TET3: variants seen among roughly 807,000 people sequenced by gnomAD.
TET3 encodes the protein tet methylcytosine dioxygenase 3.
A neutral mutation model predicts 141.4 loss-of-function variants in TET3; 19 were observed. The ratio of observed to expected loss-of-function variants is 0.13; its 90% CI spans 0.09 to 0.20. The LOEUF (loss-of-function observed/expected upper bound fraction) is 0.20, where lower values mean the gene tolerates loss of function less well. Among genes scored for constraint, TET3 ranks in the 10% least tolerant of loss-of-function variants. TET3 has a pLI of 1.00. For synonymous variants in TET3, 1,043 were observed against 980.9 expected, an observed-to-expected ratio of 1.06 and a Z score of -1.18; for missense variants, 1,874 against 2,356.9, an observed-to-expected ratio of 0.80 and a Z score of 4.24.
At chr2:74,063,901 A>AAAG (rs1280632975) in intron 4 of TET3, among the ~76,000 whole-genome samples, 1 of 151,994 alleles carries the variant, frequency 6.6e-6, no homozygotes, top group Non-Finnish European at 1.5e-5. Context: ...GACAAAAAAA[A>AAAG]AAAAAAAATA....
chr2:73,983,919 T>C (rs910371556), upstream of TET3, among the ~76,000 whole-genome samples: 37 of 152,338 alleles, frequency 2.4e-4, 1 homozygote, highest in East Asian at 2.7e-3. Context: ...TCAGGCCAGA[T>C]GGGTGGGGCT....
the TET3 span, among the ~76,000 whole-genome samples, chr2:74,116,872 G>C: frequency 2.0e-5 from 3 of 152,150 alleles, no homozygotes; most frequent in Non-Finnish European, 4.4e-5. Context: ...TCCATGGTGA[G>C]CAAAGCCCCA....
At chr2:74,007,900 C>T (rs558101562) in intron 3 of TET3, among the ~76,000 whole-genome samples, 4 of 152,280 alleles carry the variant, frequency 2.6e-5, no homozygotes, top group Middle Eastern at 3.4e-3. Flanking sequence ...AGCTGCTGCA[C>T]GTGTGGCTCA....
At position 74,003,153 on chromosome 2, in the gene TET3, G is replaced by A; in HGVS notation, c.347G>A (p.Gly116Glu). 6.5e-7 allele frequency: 1 copy of A among 1,550,336 alleles called. No individual in the cohort carries two copies. The change falls in exon 3 of 12, where the codon GGA becomes GAA. Residue 116 changes from glycine to glutamate, a missense_variant. Coordinates refer to ENST00000409262, the MANE Select transcript of TET3 (RefSeq NM_001287491.2). The stretch of plus-strand genomic sequence containing the variant: ...GAAGGAGCCGGGCCGTGGGGACAAG[G>A]AGCGGCTGTCAAGGTACCTTGTGTG... ...AGEGAGPWGQ[G>E]AAVKTGSELS...
At chr2:74,094,161 A>AGGGTGAGGGTG (rs1273915348) in intron 10 of TET3, among the ~76,000 whole-genome samples, 1 of 152,242 alleles carries the variant, frequency 6.6e-6, no homozygotes, top group African/African-American at 2.4e-5. Flanking sequence ...GGGATAAAGC[A>AGGGTGAGGGTG]ACAGGAGATG....
At chr2:74,058,378 G>A (rs569525297) in intron 4 of TET3, among the ~76,000 whole-genome samples, 8 of 152,168 alleles carry the variant, frequency 5.3e-5, no homozygotes, top group Admixed American at 4.6e-4. Flanking sequence ...CTGAACAAAC[G>A]TGAGAGTCAA....
intron 5 of TET3, among the ~76,000 whole-genome samples, chr2:74,079,956 T>C (rs1279625434): frequency 6.6e-6 from 1 of 152,152 alleles, no homozygotes; most frequent in Non-Finnish European, 1.5e-5. Context: ...AGGAACCAGA[T>C]GTGTTTACTG....
chr2:74,032,492 T>TGTGTGTGTGTGTGTGG (rs1686798232), intron 3 of TET3, among the ~76,000 whole-genome samples: 1 of 71,828 alleles, frequency 1.4e-5, no homozygotes, highest in Admixed American at 1.2e-4. Flanking sequence ...TGTGTGTGTG[T>TGTGTGTGTGTGTGTGG]GTGTGTGTGT....
rs1378892228 is a variant in TET3 at position 73,986,540 on chromosome 2, G to C, written c.137G>C (p.Gly46Ala). ...GCTGGGAGTGAGTCCCAACTCCGAG[G>C]GGGTGGAGATGGTCGAAAGAAACGG... is the stretch of plus-strand genomic sequence containing the variant. ...SMAGSESQLR[G>A]GGDGRKKRKR... The change falls in exon 2 of 12, where the codon GGG (glycine) becomes GCG (alanine). Residue 46 changes from glycine (G) to alanine (A), a missense_variant. By Grantham distance (60) the Gly-to-Ala change is moderately conservative. This residue lies in a region of TET3 where 366 missense variants were observed against 487.0 expected (regional missense o/e 0.75). Coordinates refer to ENST00000409262, the MANE Select transcript of TET3 (RefSeq NM_001287491.2). 1.6e-6 allele frequency: 2 copies of C among 1,232,124 alleles called. No homozygotes were observed. Among genetic ancestry groups the C allele is most frequent in the African/African-American group, 3.1e-5 (2 of 64,424 alleles). The allele number at this position is 1,232,124 out of a possible 1,614,324, so 76.3% of individuals were successfully genotyped here.
At chr2:74,045,705 T>G (rs1160727536) in intron 3 of TET3, among the ~76,000 whole-genome samples, 1 of 152,184 alleles carries the variant, frequency 6.6e-6, no homozygotes, top group Non-Finnish European at 1.5e-5. Context: ...CAGCTTTCTG[T>G]GCTCAGCCTG....
intron 2 of TET3, among the ~76,000 whole-genome samples, chr2:73,992,087 A>G (rs1413846371): frequency 6.6e-6 from 1 of 152,088 alleles, no homozygotes; most frequent in Non-Finnish European, 1.5e-5. Flanking sequence ...TGCTGATAAC[A>G]ATGTCTTGTA....
Position 74,046,476 on chromosome 2 carries a change from G to C in TET3, c.559G>C (p.Gly187Arg), listed in dbSNP as rs760754169. Residue 187 changes from glycine to arginine, a missense_variant, in exon 4 of 12, where the codon GGC (glycine) becomes CGC (arginine). Physicochemically the swap from Gly to Arg is moderately radical, Grantham distance 125. Around this residue, in one of 10 missense-constraint regions of TET3, gnomAD observed 366 missense variants for 487.0 expected, o/e 0.75. Coordinates refer to ENST00000409262, the MANE Select transcript of TET3 (RefSeq NM_001287491.2). This position sits in a 1 kb window ranked among gnomAD's most constrained non-coding sequence, Gnocchi z 4.3. ...DQKPDWEAAP[G>R]PAHTARLEDA... ...AAAGCCCGACTGGGAGGCTGCCCCAGGCCCAGCTCATACTGCTCGCCTGGA... is the reference window on the plus strand; with the variant it reads ...AAAGCCCGACTGGGAGGCTGCCCCACGCCCAGCTCATACTGCTCGCCTGGA... 1 of 1,613,342 alleles carries C rather than the reference G, an allele frequency of 6.2e-7. No individual in the cohort carries two copies. The highest frequency in any genetic ancestry group is 1.7e-5 in the Admixed American group (1 of 59,974).
chr2:74,081,797 TAAAAG>T (rs1460276225), intron 6 of TET3, among the ~76,000 whole-genome samples: 1 of 152,218 alleles, frequency 6.6e-6, no homozygotes, highest in African/African-American at 2.4e-5. Context: ...TTGGTGAAAA[TAAAAG>T]GTGTCTGAAC....
rs1306608015 is a variant in TET3, at chr2:74,100,782, T to G, written c.3994T>G (p.Tyr1332Asp). The change falls in exon 12 of 12, where the codon TAC (tyrosine) becomes GAC (aspartate). Residue 1332 changes from tyrosine (Y) to aspartate (D), a missense_variant. Transcript: ENST00000409262. ...HALHNSLSPAYGGAEFAELPS... is the reference protein window; with the variant it reads ...HALHNSLSPADGGAEFAELPS... ...TCTGCACAACAGCCTGAGCCCGGCCTACGGTGGTGCTGAGTTTGCCGAGCT... is the reference window on the plus strand; with the variant it reads ...TCTGCACAACAGCCTGAGCCCGGCCGACGGTGGTGCTGAGTTTGCCGAGCT... 1.2e-6 allele frequency: 2 copies of G among 1,613,108 alleles called. No individual in the cohort carries two copies. The highest frequency in any genetic ancestry group is 1.7e-6 in the Non-Finnish European group (2 of 1,179,608).
At chr2:74,002,010 G>A (rs775646486) in intron 2 of TET3, among the ~76,000 whole-genome samples, 29 of 152,058 alleles carry the variant, frequency 1.9e-4, no homozygotes, top group Non-Finnish European at 3.4e-4. Context: ...TGTGGAGGAG[G>A]GCAGGGTTGA....
intron 4 of TET3, among the ~76,000 whole-genome samples, chr2:74,067,200 G>A (rs1425395626): frequency 6.6e-6 from 1 of 151,482 alleles, no homozygotes; most frequent in Admixed American, 6.6e-5. Context: ...GTGCCCATTT[G>A]GAATGAATCA....
chr2:74,009,819 A>G (rs1685332293), intron 3 of TET3, among the ~76,000 whole-genome samples: 1 of 152,236 alleles, frequency 6.6e-6, no homozygotes, highest in African/African-American at 2.4e-5. Flanking sequence ...CTGCCCAGCC[A>G]GGACAGCTGT....
At chr2:74,113,006 CAAAAAAAAAAAAAA>C (rs60299737), downstream of TET3, among the ~76,000 whole-genome samples, 49 of 34,402 alleles carry the variant, frequency 1.4e-3, no homozygotes, top group African/African-American at 3.8e-3. Context: ...GACTCCGTCT[CAAAAAAAAAAAAAA>C]AAAAAAAAAA....
chr2:74,027,882 A>C (rs1050813730), intron 3 of TET3, among the ~76,000 whole-genome samples: 1 of 152,184 alleles, frequency 6.6e-6, no homozygotes, highest in South Asian at 2.1e-4. Flanking sequence ...TTTTTGGTTA[A>C]GGGGTTGTAA....
Sources: gnomAD v4.1 joint callset for allele counts (sites outside exome capture counted in the v4.1 genomes callset) on GRCh38, gnomAD v4.1.1 for gene constraint, gnomAD v4.1.1 regional missense constraint, Gnocchi (gnomAD v3.1) non-coding constraint, MANE v1.5 for transcripts, NCBI Gene and HGNC (gene_info 2026-07-23, HGNC 2026-07-21) for gene names.